The following DNAH6 variants were observed in gnomAD, a reference collection of about 807,000 sequenced individuals.
DNAH6 encodes dynein axonemal heavy chain 6, also known as axonemal beta dynein heavy chain 6.
Under a neutral mutation model 491.4 loss-of-function variants are expected in DNAH6, and 340 were observed. The ratio of observed to expected loss-of-function variants is 0.69; its 90% confidence interval spans 0.63 to 0.76. The LOEUF (loss-of-function observed/expected upper bound fraction) is 0.76. Among genes scored for constraint, DNAH6 ranks in the 30% least tolerant of loss-of-function variants. DNAH6 has a pLI of 0.00. For missense variants in DNAH6, 4,443 were observed against 4,972.2 expected, an observed-to-expected ratio of 0.89 and a Z score of 3.20; for synonymous variants, 1,603 against 1,686.1, an observed-to-expected ratio of 0.95 and a Z score of 1.21.
intron 75 of DNAH6, among the ~76,000 whole-genome samples, chr2:84,814,461 C>A (rs940902862): frequency 2.0e-5 from 3 of 152,154 alleles, no homozygotes; most frequent in Admixed American, 1.3e-4. Context: ...CTGACACTAC[C>A]TTTCACCAGC....
intron 64 of DNAH6, among the ~76,000 whole-genome samples, chr2:84,764,424 T>C (rs1674878515): frequency 6.6e-6 from 1 of 152,082 alleles, no homozygotes; most frequent in Admixed American, 6.6e-5. Context: ...ATTAAAACCA[T>C]GAAAAGATGC....
chr2:84,718,563 A>C (rs1255628595), intron 59 of DNAH6, among the ~76,000 whole-genome samples, 179 bp downstream of exon 59: 1 of 152,234 alleles, frequency 6.6e-6, no homozygotes, highest in African/African-American at 2.4e-5. Context: ...ACCTGGAGAA[A>C]CTGTAGACCA....
chr2:84,787,966 A>T (rs1485209842), intron 68 of DNAH6, among the ~76,000 whole-genome samples: 1 of 152,196 alleles, frequency 6.6e-6, no homozygotes, highest in Non-Finnish European at 1.5e-5. Flanking sequence ...GAAAAGGGAC[A>T]GAAAGGAAAT....
Position 84,669,388 on chromosome 2 carries a change from G to A in DNAH6, c.6184G>A (p.Asp2062Asn). 6.5e-7 allele frequency: 1 copy of A among 1,547,054 alleles called. No individual in the cohort carries two copies. Among genetic ancestry groups the A allele is most frequent in the Non-Finnish European group, 8.8e-7 (1 of 1,142,424 alleles). ...RIIPTFKYNR[D>N]VPFFEMLVPT... ...CATACCTACTTTCAAATACAACCGA[G>A]ATGTTCCATTTTTTGAAATGCTTGT... Residue 2062 changes from aspartate to asparagine, a missense_variant, in exon 38 of 77, where the codon GAT becomes AAT. Asp to Asn is a conservative substitution (Grantham distance 23). This residue lies in a region of DNAH6 where 2,977 missense variants were observed against 3,296.6 expected (regional missense o/e 0.90). Coordinates refer to ENST00000389394, the MANE Select transcript of DNAH6 (RefSeq NM_001370.2).
chr2:84,618,256 A>G (rs1687072264), intron 23 of DNAH6, among the ~76,000 whole-genome samples: 1 of 152,098 alleles, frequency 6.6e-6, no homozygotes, highest in Non-Finnish European at 1.5e-5. Flanking sequence ...AAGTGCCACC[A>G]AAGTCTCGGC....
At chr2:84,795,189 G>A (rs1678224220) in intron 68 of DNAH6, among the ~76,000 whole-genome samples, 1 of 107,652 alleles carries the variant, frequency 9.3e-6, no homozygotes, top group Non-Finnish European at 1.8e-5. Flanking sequence ...AGGGGGGAGG[G>A]ATAGCATTAG....
chr2:84,710,851 T>TA (rs34105401), intron 56 of DNAH6, among the ~76,000 whole-genome samples: 5,213 of 144,882 alleles, frequency 0.036, 103 homozygotes, highest in South Asian at 0.051. Context: ...TAACTTTTGT[T>TA]AAAAAAAAAA....
intron 29 of DNAH6, among the ~76,000 whole-genome samples, chr2:84,627,490 G>A (rs904850259): frequency 4.6e-5 from 7 of 152,116 alleles, no homozygotes; most frequent in African/African-American, 1.7e-4. Context: ...GTATTCTAGT[G>A]TGCATTTTGC....
intron 11 of DNAH6, among the ~76,000 whole-genome samples, chr2:84,564,512 T>C (rs1680978253): frequency 6.6e-6 from 1 of 152,198 alleles, no homozygotes; most frequent in Non-Finnish European, 1.5e-5. Context: ...TGTATAGAAA[T>C]GCTACTGATT....
At chr2:84,748,293 C>T (rs573227799) in intron 63 of DNAH6, among the ~76,000 whole-genome samples, 23 of 152,260 alleles carry the variant, frequency 1.5e-4, no homozygotes, top group East Asian at 3.9e-4. Context: ...AATTATAAGT[C>T]GCAACTTTAA....
At position 84,604,469 on chromosome 2, in the gene DNAH6, A is replaced by C. The variant is rs1558784358; in HGVS notation, c.2999A>C (p.His1000Pro). ...ACCTTGGAGAGGCTCTCCCAGTTGCATGTTTTTGACTTTGGTCAAGAAATC... is the reference window on the plus strand; with the variant it reads ...ACCTTGGAGAGGCTCTCCCAGTTGCCTGTTTTTGACTTTGGTCAAGAAATC... Reference protein sequence around the residue: ...PLTLERLSQLHVFDFGQEIQD... With the variant: ...PLTLERLSQLPVFDFGQEIQD... Residue 1000 changes from histidine (H) to proline (P), a missense_variant, in exon 19 of 77, where the codon CAT (histidine) becomes CCT (proline). His to Pro is a moderately conservative substitution (Grantham distance 77). Around this residue, in one of 3 missense-constraint regions of DNAH6, gnomAD observed 2,977 missense variants for 3,296.6 expected, o/e 0.90. Transcript: ENST00000389394. 6 of 1,551,786 alleles carry C rather than the reference A, an allele frequency of 3.9e-6. No homozygotes were observed. Among genetic ancestry groups the C allele is most frequent in the Non-Finnish European group, 5.2e-6 (6 of 1,146,998 alleles).
intron 63 of DNAH6, among the ~76,000 whole-genome samples, chr2:84,756,212 G>A (rs1242940819): frequency 6.6e-6 from 1 of 152,094 alleles, no homozygotes. Context: ...GAATTTTTAG[G>A]CCACTATTTG....
At chr2:84,547,710 T>C (rs907967072) in intron 7 of DNAH6, 98 bp downstream of exon 7, 1 of 1,231,438 alleles carries the variant, frequency 8.1e-7, no homozygotes. Flanking sequence ...ATAATGATTC[T>C]ATGTTTGAAT....
intron 54 of DNAH6, among the ~76,000 whole-genome samples, chr2:84,709,057 A>C (rs1372533142): frequency 6.6e-6 from 1 of 152,254 alleles, no homozygotes; most frequent in African/African-American, 2.4e-5. Flanking sequence ...AACCTGGTTG[A>C]AAACCACTGC....
At chr2:84,756,176 C>G (rs904657495) in intron 63 of DNAH6, among the ~76,000 whole-genome samples, 2 of 152,108 alleles carry the variant, frequency 1.3e-5, no homozygotes, top group African/African-American at 4.8e-5. Flanking sequence ...CTTCTATATT[C>G]CTAGTATGTG....
chr2:84,599,099 A>G (rs1173050215), intron 18 of DNAH6, among the ~76,000 whole-genome samples: 1 of 150,100 alleles, frequency 6.7e-6, no homozygotes, highest in African/African-American at 2.4e-5. Context: ...ACATCTTCTT[A>G]TATGCTATTT....
chr2:84,811,779 T>G (rs1287726861), intron 72 of DNAH6, among the ~76,000 whole-genome samples: 3 of 151,164 alleles, frequency 2.0e-5, no homozygotes, highest in African/African-American at 7.3e-5. Flanking sequence ...GAGAATCACT[T>G]GAACCCAGGA....
At chr2:84,528,471 A>G (rs1051495295) in intron 3 of DNAH6, among the ~76,000 whole-genome samples, 3 of 152,150 alleles carry the variant, frequency 2.0e-5, no homozygotes, top group East Asian at 1.9e-4. Context: ...ATGAGTTACA[A>G]TAACAGCTGT....
At chr2:84,661,928 G>A (rs1422073556) in intron 37 of DNAH6, among the ~76,000 whole-genome samples, 1 of 152,170 alleles carries the variant, frequency 6.6e-6, no homozygotes, top group African/African-American at 2.4e-5. Context: ...TGTGGCATTG[G>A]TGAAAGGATA....
Sources: gnomAD v4.1 joint callset for allele counts (sites outside exome capture counted in the v4.1 genomes callset) on GRCh38, gnomAD v4.1.1 for gene constraint, gnomAD v4.1.1 regional missense constraint, MANE v1.5 for transcripts, NCBI Gene and HGNC (gene_info 2026-07-23, HGNC 2026-07-21) for gene names.